Variants in ZNF345 observed in about 807,000 individuals in gnomAD.
ZNF345 encodes the protein zinc finger protein 345, also known as zinc finger protein HZF10.
For synonymous variants in ZNF345, 166 were observed against 187.9 expected (o/e 0.88, Z 0.95); for missense variants, 527 against 589.9 (o/e 0.89, Z 1.10).
At chr19:36,859,112 C>G (rs2072489001) in intron 2 of ZNF345, among the ~76,000 whole-genome samples, 1 of 150,046 alleles carries the variant, frequency 6.7e-6, no homozygotes, top group Admixed American at 6.6e-5. Context: ...AAAAAACTTT[C>G]AAAAGCTTTG....
At chr19:36,861,166 T>C (rs910395730) in intron 2 of ZNF345, among the ~76,000 whole-genome samples, 17 of 152,252 alleles carry the variant, frequency 1.1e-4, no homozygotes, top group African/African-American at 4.1e-4. Context: ...GCTTCTGTGT[T>C]CCTTTGACTT....
intron 3 of ZNF345, chr19:36,892,528 T>G: frequency 6.8e-7 from 1 of 1,476,348 alleles, no homozygotes; most frequent in Non-Finnish European, 9.0e-7. Flanking sequence ...TTAAAACTTC[T>G]AAAAAAGAAA....
intron 2 of ZNF345, among the ~76,000 whole-genome samples, chr19:36,852,525 TG>T (rs940736325): frequency 2.0e-5 from 3 of 151,440 alleles, no homozygotes; most frequent in Admixed American, 1.3e-4. Flanking sequence ...GAGAATCGCT[TG>T]AACCCGGGAG....
At chr19:36,865,375 T>G (rs1299620693) in intron 2 of ZNF345, among the ~76,000 whole-genome samples, 1 of 152,248 alleles carries the variant, frequency 6.6e-6, no homozygotes, top group African/African-American at 2.4e-5. Context: ...TCTAAGAGTT[T>G]TAAAGTTAAT....
At chr19:36,868,641 T>TTG (rs1000659712) in intron 2 of ZNF345, among the ~76,000 whole-genome samples, 4 of 151,618 alleles carry the variant, frequency 2.6e-5, no homozygotes, top group African/African-American at 9.7e-5. Context: ...TTTTTTTTTT[T>TTG]TTTGAGATGG....
intron 2 of ZNF345, among the ~76,000 whole-genome samples, chr19:36,856,073 AC>A (rs1197430583): frequency 6.6e-6 from 1 of 152,212 alleles, no homozygotes; most frequent in African/African-American, 2.4e-5. Context: ...ACTTATGTGC[AC>A]AACACTTAAT....
chr19:36,851,437 G>A (rs1261551372), intron 1 of ZNF345: 3 of 152,342 alleles, frequency 2.0e-5, no homozygotes, highest in African/African-American at 4.8e-5. Context: ...CACGGACTCT[G>A]TGGTTGTGTC....
At chr19:36,891,974 A>G (rs2146223668) in intron 3 of ZNF345, 1 of 1,613,902 alleles carries the variant, frequency 6.2e-7, no homozygotes, top group East Asian at 2.2e-5. Context: ...GCTTTTCCAC[A>G]TACTTTACAT....
At chr19:36,871,299 T>C (rs779413442) in intron 2 of ZNF345, among the ~76,000 whole-genome samples, 1 of 152,200 alleles carries the variant, frequency 6.6e-6, no homozygotes, top group Non-Finnish European at 1.5e-5. Flanking sequence ...CATTGATAAC[T>C]AAAGTTCAAC....
At chr19:36,893,065 G>A (rs117844863), downstream of ZNF345, 2,136 of 398,748 alleles carry the variant, frequency 5.4e-3, 52 homozygotes, top group Admixed American at 0.043. Flanking sequence ...TTTGCAATTC[G>A]TAGATAACTG....
chr19:36,857,483 A>G (rs1320818474), intron 2 of ZNF345, among the ~76,000 whole-genome samples: 1 of 151,436 alleles, frequency 6.6e-6, no homozygotes, highest in Non-Finnish European at 1.5e-5. Context: ...ATTTTTTTGT[A>G]TTTTTAGCAG....
chr19:36,869,247 C>T (rs985558091), intron 2 of ZNF345, among the ~76,000 whole-genome samples: 4 of 151,810 alleles, frequency 2.6e-5, no homozygotes, highest in African/African-American at 9.7e-5. Flanking sequence ...AAGCACTACA[C>T]TTAAAATTAT....
At position 36,877,520 on chromosome 19, in the gene ZNF345, T is replaced by C. The variant is rs1259276671; in HGVS notation, c.690T>C (p.Tyr230=). The C allele has an allele frequency of 1.2e-6, 2 of 1,614,228 alleles. No individual in the cohort carries two copies. Among genetic ancestry groups the C allele is most frequent in the East Asian group, 4.5e-5 (2 of 44,878 alleles). ...GGATTCATACTGGTGAGAAACCTTA[T>C]GAATGCAAAGCATGTGGAATGGCCT... ...HRRIHTGEKP[Y]ECKACGMAFS... is the part of the protein sequence containing the mutation. The change falls in exon 3 of 3, where the codon TAT becomes TAC. Residue 230 remains tyrosine (Y), a synonymous_variant. Coordinates refer to ENST00000420450, the MANE Select transcript of ZNF345 (RefSeq NM_001242472.2).
chr19:36,850,789 GACT>G (rs1326677456), upstream of ZNF345: 1 of 152,230 alleles, frequency 6.6e-6, no homozygotes, highest in Non-Finnish European at 1.5e-5. Flanking sequence ...TCGCTTTCTG[GACT>G]ACACTTCCCA....
At chr19:36,875,841 T>G (rs578141543) in intron 2 of ZNF345, among the ~76,000 whole-genome samples, 3 of 152,280 alleles carry the variant, frequency 2.0e-5, no homozygotes, top group African/African-American at 7.2e-5. Context: ...TTAAATCCAT[T>G]CCCTTTCCTA....
intron 3 of ZNF345, chr19:36,889,958 T>A (rs994652376): frequency 6.6e-6 from 1 of 152,220 alleles, no homozygotes; most frequent in East Asian, 1.9e-4. Flanking sequence ...GATGTTTTCA[T>A]GTGTTTTGTC....
intron 2 of ZNF345, 62 bp from the exon 3 acceptor site, chr19:36,876,723 T>C (rs1325557877): frequency 1.8e-6 from 2 of 1,134,654 alleles, no homozygotes; most frequent in African/African-American, 1.6e-5. Context: ...GTATCTATTA[T>C]AAACGTTTAA....
At chr19:36,884,601 A>G (rs888024551) in intron 3 of ZNF345, among the ~76,000 whole-genome samples, 7 of 152,170 alleles carry the variant, frequency 4.6e-5, no homozygotes, top group Admixed American at 3.9e-4. Context: ...TATACTGCCC[A>G]CATAGCTGAC....
At chr19:36,860,738 T>G (rs1295715715) in intron 2 of ZNF345, among the ~76,000 whole-genome samples, 1 of 152,210 alleles carries the variant, frequency 6.6e-6, no homozygotes, top group Non-Finnish European at 1.5e-5. Flanking sequence ...ACTTTGATAA[T>G]TTGTTAAGGG....
Sources: allele counts gnomAD v4.1 joint callset (sites outside exome capture counted in the v4.1 genomes callset), GRCh38; gene constraint gnomAD v4.1.1; transcripts MANE v1.5; gene names NCBI Gene and HGNC (gene_info 2026-07-23, HGNC 2026-07-21).